The following ACTL8 variants were observed in gnomAD, a reference collection of about 807,000 sequenced individuals.
The protein encoded by ACTL8 is actin like 8.
A neutral mutation model predicts 9.3 loss-of-function variants in ACTL8; 3 were observed. The ratio of observed to expected loss-of-function variants is 0.32; its 90% confidence interval spans 0.15 to 0.83. The LOEUF (loss-of-function observed/expected upper bound fraction) is 0.83, where lower values mean the gene tolerates loss of function less well. ACTL8 is among the 40% of genes least tolerant of loss of function. The pLI is 0.57. For missense variants in ACTL8, 381 were observed against 492.2 expected, an observed-to-expected ratio of 0.77 and a Z score of 2.14; for synonymous variants, 224 against 205.9, an observed-to-expected ratio of 1.09 and a Z score of -0.75.
chr1:17,808,697 T>A (rs943108659), intron 1 of ACTL8, among the ~76,000 whole-genome samples: 5 of 152,200 alleles, frequency 3.3e-5, no homozygotes, highest in African/African-American at 9.7e-5. Context: ...TTCATAGTGG[T>A]CCGTGGAGGA....
Position 17,823,278 on chromosome 1 carries a change from A to AC in ACTL8, c.271dup (p.Arg91ProfsTer30), listed in dbSNP as rs779078248. ...GGTCATTTGTGTTGGAGAACCACAG[A>AC]CGGGAGCAAGAGGTCCCCCCTGTGA... On this transcript the variant is annotated frameshift_variant, in exon 2 of 3. Coordinates refer to ENST00000375406, the MANE Select transcript of ACTL8 (RefSeq NM_030812.3). LOFTEE classifies it high-confidence loss of function. This position sits in a 1 kb window ranked among gnomAD's most constrained non-coding sequence, Gnocchi z 5.3. The AC allele has an allele frequency of 2.5e-6, 4 of 1,613,976 alleles. No individual in the cohort carries two copies. The highest frequency in any genetic ancestry group is 8.5e-7 in the Non-Finnish European group (1 of 1,180,018).
intron 1 of ACTL8, among the ~76,000 whole-genome samples, chr1:17,756,294 A>G (rs971034653): frequency 2.6e-5 from 4 of 151,502 alleles, no homozygotes; most frequent in Admixed American, 2.6e-4. Flanking sequence ...TGGGGAACCT[A>G]TGAAAGCCCC....
rs536846096 is a variant in ACTL8, at chr1:17,826,414, T to C, written c.996T>C (p.Asn332=). The C allele has an allele frequency of 3.7e-6, 6 of 1,613,916 alleles. No individual in the cohort carries two copies. The highest frequency in any genetic ancestry group is 2.2e-5 in the East Asian group (1 of 44,868). ...STKATVWEGS[N]RNFSVWLGAS... ...AGGCCACAGTCTGGGAGGGTTCCAA[T>C]AGAAACTTTAGTGTCTGGCTAGGAG... The change falls in exon 3 of 3, where the codon AAT becomes AAC. Residue 332 remains asparagine, a synonymous_variant. Transcript: ENST00000375406. The surrounding 1 kb of genome is among the most constrained non-coding windows in gnomAD (Gnocchi z 4.5).
At chr1:17,800,971 G>A (rs1245169929) in intron 1 of ACTL8, among the ~76,000 whole-genome samples, 1 of 152,174 alleles carries the variant, frequency 6.6e-6, no homozygotes, top group African/African-American at 2.4e-5. Flanking sequence ...TTACTATGTT[G>A]TGTTCATCCA....
At position 17,823,311 on chromosome 1, in the gene ACTL8, G is replaced by A. The variant is rs199677202; in HGVS notation, c.303G>A (p.Thr101=). The stretch of plus-strand genomic sequence containing the variant: ...AAGAGGTCCCCCCTGTGATCATCAC[G>A]GAGACACCCTTGAGGGAGCCTGCGG... ...REQEVPPVII[T]ETPLREPADR... Residue 101 remains threonine (T), a synonymous_variant, in exon 2 of 3, where the codon ACG becomes ACA. Coordinates refer to ENST00000375406, the MANE Select transcript of ACTL8 (RefSeq NM_030812.3). The surrounding 1 kb of genome is among the most constrained non-coding windows in gnomAD (Gnocchi z 5.3). 6.2e-6 allele frequency: 10 copies of A among 1,614,016 alleles called. No homozygotes were observed. Among genetic ancestry groups the A allele is most frequent in the East Asian group, 4.5e-5 (2 of 44,870 alleles).
At chr1:17,811,839 G>A (rs1012256935) in intron 1 of ACTL8, among the ~76,000 whole-genome samples, 1 of 150,444 alleles carries the variant, frequency 6.6e-6, no homozygotes, top group African/African-American at 2.4e-5. Flanking sequence ...TTTTACCAAT[G>A]TCACATTGTC....
At chr1:17,761,016 C>G (rs2065998139) in intron 1 of ACTL8, among the ~76,000 whole-genome samples, 1 of 152,088 alleles carries the variant, frequency 6.6e-6, no homozygotes, top group Non-Finnish European at 1.5e-5. Flanking sequence ...GGAGCCAGGT[C>G]CCTATCCCTC....
At chr1:17,798,927 A>G (rs1175263419) in intron 1 of ACTL8, among the ~76,000 whole-genome samples, 1 of 152,120 alleles carries the variant, frequency 6.6e-6, no homozygotes, top group African/African-American at 2.4e-5. Flanking sequence ...TCTTTACCAT[A>G]TCTACCCCAC....
At chr1:17,805,137 C>A (rs568822019) in intron 1 of ACTL8, among the ~76,000 whole-genome samples, 1 of 152,086 alleles carries the variant, frequency 6.6e-6, no homozygotes, top group Non-Finnish European at 1.5e-5. Context: ...TCCAGCCACA[C>A]GGGGAAGCAC....
chr1:17,775,015 G>A (rs1258357266), intron 1 of ACTL8, among the ~76,000 whole-genome samples: 1 of 152,176 alleles, frequency 6.6e-6, no homozygotes, highest in Non-Finnish European at 1.5e-5. Context: ...AGGCCTGGAG[G>A]TTCCTGGGAG....
chr1:17,757,047 T>C (rs977193973), intron 1 of ACTL8, among the ~76,000 whole-genome samples: 1 of 152,200 alleles, frequency 6.6e-6, no homozygotes, highest in African/African-American at 2.4e-5. Flanking sequence ...GGCGGATTGC[T>C]TGAGCCCAGG....
At chr1:17,783,968 C>T (rs2066176459) in intron 1 of ACTL8, among the ~76,000 whole-genome samples, 2 of 152,218 alleles carry the variant, frequency 1.3e-5, no homozygotes, top group African/African-American at 2.4e-5. Flanking sequence ...TCTCAAATTG[C>T]AGACTTGGCC....
intron 1 of ACTL8, among the ~76,000 whole-genome samples, chr1:17,815,437 ATC>A (rs1570042641): frequency 2.0e-5 from 3 of 151,958 alleles, no homozygotes; most frequent in Admixed American, 6.5e-5. Context: ...CTGAGTTGAT[ATC>A]TCTTTTCTTT....
intron 1 of ACTL8, among the ~76,000 whole-genome samples, chr1:17,773,981 G>A (rs2066100421): frequency 6.6e-6 from 1 of 152,168 alleles, no homozygotes; most frequent in South Asian, 2.1e-4. Flanking sequence ...TGGTGGGGTG[G>A]GCATACAGGT....
At position 17,808,046 on chromosome 1, in the gene ACTL8, G is replaced by A. The variant is rs569938018; in HGVS notation, c.-24-14939G>A. 3.9e-5 allele frequency among the ~76,000 whole-genome samples: 6 copies of A among 152,306 alleles called. No homozygotes were observed. In the East Asian group the frequency reaches 9.7e-4, roughly 25 times the overall value. The stretch of plus-strand genomic sequence containing the variant: ...AGCAGTGCTGATACCCATAAAATGA[G>A]ATGGAAACTGGAATGATGTTGCCTA... On this transcript the variant is annotated intron_variant, in intron 1 of 2. Transcript: ENST00000375406.
At chr1:17,799,461 T>C (rs549078562) in intron 1 of ACTL8, among the ~76,000 whole-genome samples, 1 of 126,228 alleles carries the variant, frequency 7.9e-6, no homozygotes, top group South Asian at 2.3e-4. Flanking sequence ...TCTTTTTGTC[T>C]TTTTTTTTTT....
chr1:17,810,064 C>G (rs1188067668), intron 1 of ACTL8, among the ~76,000 whole-genome samples: 1 of 152,142 alleles, frequency 6.6e-6, no homozygotes, highest in Admixed American at 6.6e-5. Context: ...TATTTCTTCT[C>G]TTGAACAAAA....
chr1:17,768,774 G>T (rs4920634), intron 1 of ACTL8, among the ~76,000 whole-genome samples: 42,305 of 151,978 alleles, frequency 0.28, 6,531 homozygotes, highest in Admixed American at 0.37. Context: ...TTTGGTGGAG[G>T]TGAGGGGCAG....
chr1:17,766,019 C>T (rs2066042022), intron 1 of ACTL8, among the ~76,000 whole-genome samples: 1 of 152,220 alleles, frequency 6.6e-6, no homozygotes, highest in Non-Finnish European at 1.5e-5. Flanking sequence ...TTCCCAGTGT[C>T]ACCCTCAGCC....
Sources: allele counts gnomAD v4.1 joint callset (sites outside exome capture counted in the v4.1 genomes callset), GRCh38; gene constraint gnomAD v4.1.1; non-coding constraint Gnocchi (gnomAD v3.1); transcripts MANE v1.5; gene names NCBI Gene and HGNC (gene_info 2026-07-23, HGNC 2026-07-21).